ZFHX3: variants seen among roughly 807,000 people sequenced by gnomAD.
ZFHX3 encodes the protein zinc finger homeobox 3, also known as zinc finger homeobox protein 3.
ZFHX3 carries 42 observed loss-of-function variants against 279.1 expected under a neutral mutation model. That is an observed-to-expected ratio of 0.15 (90% CI 0.12 to 0.19). The LOEUF (loss-of-function observed/expected upper bound fraction) is 0.19. Among genes scored for constraint, ZFHX3 ranks in the 10% least tolerant of loss-of-function variants. The pLI is 1.00. For missense variants in ZFHX3, 4,981 were observed against 4,754.0 expected (o/e 1.05, Z -1.40); for synonymous variants, 2,293 against 1,957.8 (o/e 1.17, Z -4.52).
At chr16:73,377,638 C>T (rs1319238820) in intron 3 of ZFHX3, among the ~76,000 whole-genome samples, 2 of 151,958 alleles carry the variant, frequency 1.3e-5, no homozygotes, top group African/African-American at 4.8e-5. Flanking sequence ...CATGGTACCA[C>T]CATTTATTTA....
intron 7 of ZFHX3, among the ~76,000 whole-genome samples, chr16:73,103,291 T>G (rs989588208): frequency 6.6e-6 from 1 of 152,044 alleles, no homozygotes; most frequent in Admixed American, 6.6e-5. Context: ...TCCTGGGCCG[T>G]GAGTATCTCA....
intron 2 of ZFHX3, among the ~76,000 whole-genome samples, chr16:73,633,132 G>A (rs182031341): frequency 1.6e-3 from 239 of 152,326 alleles, no homozygotes; most frequent in Non-Finnish European, 2.1e-3. Flanking sequence ...TAATTTCTAT[G>A]TTTCAAACAT....
intron 5 of ZFHX3, among the ~76,000 whole-genome samples, chr16:73,211,671 T>G (rs978131685): frequency 7.0e-5 from 10 of 142,394 alleles, no homozygotes; most frequent in African/African-American, 1.3e-4. Flanking sequence ...AGAATCTATG[T>G]TTTTTTTTTT....
chr16:73,196,302 C>T (rs1968148779), intron 5 of ZFHX3, among the ~76,000 whole-genome samples: 1 of 151,786 alleles, frequency 6.6e-6, no homozygotes, highest in Non-Finnish European at 1.5e-5. Flanking sequence ...GTGGGGAGGG[C>T]CAGATTTTCC....
chr16:73,642,027 T>C (rs1307347298), intron 2 of ZFHX3, among the ~76,000 whole-genome samples: 1 of 152,044 alleles, frequency 6.6e-6, no homozygotes, highest in Non-Finnish European at 1.5e-5. Flanking sequence ...TCAGGCAGTG[T>C]GAGGGACGCT....
At chr16:73,212,035 G>A (rs2144910968) in intron 5 of ZFHX3, among the ~76,000 whole-genome samples, 1 of 152,168 alleles carries the variant, frequency 6.6e-6, no homozygotes, top group East Asian at 1.9e-4. Flanking sequence ...GACTGAAATT[G>A]ACCCTGAACA....
chr16:73,705,829 C>A (rs2053297556), intron 1 of ZFHX3, among the ~76,000 whole-genome samples: 1 of 152,202 alleles, frequency 6.6e-6, no homozygotes, highest in Admixed American at 6.5e-5. Flanking sequence ...CCCTCATGGA[C>A]CCATATCCAA....
At chr16:73,702,224 C>T (rs771162793) in intron 1 of ZFHX3, among the ~76,000 whole-genome samples, 38 of 152,030 alleles carry the variant, frequency 2.5e-4, no homozygotes, top group Non-Finnish European at 4.7e-4. Context: ...ACTGCCATAG[C>T]AAAAGGGGAG....
At chr16:73,847,041 C>T (rs770727825) in intron 1 of ZFHX3, among the ~76,000 whole-genome samples, 1 of 152,178 alleles carries the variant, frequency 6.6e-6, no homozygotes, top group Non-Finnish European at 1.5e-5. Flanking sequence ...GTGGCTCACG[C>T]CTGTAATCCC....
intron 7 of ZFHX3, among the ~76,000 whole-genome samples, chr16:73,114,094 C>A (rs1234435301): frequency 1.3e-5 from 2 of 151,082 alleles, no homozygotes; most frequent in Non-Finnish European, 2.9e-5. Context: ...CTGTGCCCGG[C>A]CATTTTTTTT....
intron 2 of ZFHX3, among the ~76,000 whole-genome samples, chr16:73,472,301 G>A (rs542920075): frequency 3.5e-4 from 51 of 147,472 alleles, no homozygotes; most frequent in African/African-American, 1.3e-3. Context: ...CATATCTAAA[G>A]TCCCAAAGAC....
At position 72,796,577 on chromosome 16, in the gene ZFHX3, C is replaced by G. The variant is rs1224148107; in HGVS notation, c.6105G>C (p.Gln2035His). 1.2e-6 allele frequency: 2 copies of G among 1,612,754 alleles called. No homozygotes were observed. The highest frequency in any genetic ancestry group is 2.7e-5 in the African/African-American group (2 of 74,558). The stretch of plus-strand genomic sequence containing the variant: ...GGGGAGGTGGTGGTGGCTCTGGGGT[C>G]TGGGGCCTCAGTGGGTACAGTTTAT... ...HYDKLYPLRP[Q>H]TPEPPPPPPP... Residue 2035 changes from glutamine (Q) to histidine (H), a missense_variant, in exon 9 of 10, where the codon CAG (glutamine) becomes CAC (histidine). This residue lies in a region of ZFHX3 where 1,751 missense variants were observed against 1,770.0 expected (regional missense o/e 0.99). Coordinates refer to ENST00000268489, the MANE Select transcript of ZFHX3 (RefSeq NM_006885.4).
At chr16:73,013,128 C>A (rs1460338649) in intron 1 of ZFHX3, among the ~76,000 whole-genome samples, 1 of 152,136 alleles carries the variant, frequency 6.6e-6, no homozygotes, top group Non-Finnish European at 1.5e-5. Flanking sequence ...ACAAGAAGGG[C>A]AGAGAGGAGG....
intron 1 of ZFHX3, among the ~76,000 whole-genome samples, chr16:73,778,423 GTA>G (rs1012928735): frequency 2.1e-4 from 32 of 152,246 alleles, no homozygotes; most frequent in African/African-American, 7.2e-4. Flanking sequence ...TACAAAAGTT[GTA>G]TTGAATGGAT....
At chr16:73,249,955 A>G (rs1018363118) in intron 5 of ZFHX3, among the ~76,000 whole-genome samples, 1 of 152,198 alleles carries the variant, frequency 6.6e-6, no homozygotes, top group African/African-American at 2.4e-5. Context: ...GTCTCACAAT[A>G]ACAAGTGTCA....
At chr16:73,285,461 G>A (rs1224727773) in intron 4 of ZFHX3, among the ~76,000 whole-genome samples, 1 of 152,218 alleles carries the variant, frequency 6.6e-6, no homozygotes, top group African/African-American at 2.4e-5. Flanking sequence ...TTCATACTCT[G>A]GGTTGACATT....
At chr16:73,617,434 T>C (rs2052315879) in intron 2 of ZFHX3, among the ~76,000 whole-genome samples, 1 of 152,252 alleles carries the variant, frequency 6.6e-6, no homozygotes, top group African/African-American at 2.4e-5. Flanking sequence ...TAATTATTTG[T>C]ATACTAAATA....
chr16:73,551,634 A>G (rs2020205776), intron 2 of ZFHX3, among the ~76,000 whole-genome samples: 1 of 152,198 alleles, frequency 6.6e-6, no homozygotes, highest in African/African-American at 2.4e-5. Context: ...TAAAATTCAG[A>G]AGTGTTTCTC....
intron 1 of ZFHX3, among the ~76,000 whole-genome samples, chr16:73,019,557 C>T (rs1964227575): frequency 6.6e-6 from 1 of 152,196 alleles, no homozygotes; most frequent in Admixed American, 6.5e-5. Context: ...AGCACTTTGC[C>T]TCCCCAAACC....
Sources: gnomAD v4.1 joint callset for allele counts (sites outside exome capture counted in the v4.1 genomes callset) on GRCh38, gnomAD v4.1.1 for gene constraint, gnomAD v4.1.1 regional missense constraint, MANE v1.5 for transcripts, NCBI Gene and HGNC (gene_info 2026-07-23, HGNC 2026-07-21) for gene names.